The following CDH4 variants were observed in gnomAD, a reference collection of about 807,000 sequenced individuals.
CDH4 encodes the protein cadherin-4.
Under a neutral mutation model 86.0 loss-of-function variants are expected in CDH4, and 33 were observed. That is an observed-to-expected ratio of 0.38 (90% CI 0.29 to 0.51). CDH4 has a LOEUF of 0.51. Among genes scored for constraint, CDH4 ranks in the 20% least tolerant of loss-of-function variants. The pLI is 0.86. For missense variants in CDH4, 1,114 were observed against 1,307.4 expected (o/e 0.85, Z 2.28); for synonymous variants, 555 against 549.4 (o/e 1.01, Z -0.14).
Position 61,393,932 on chromosome 20 carries a change from A to G in CDH4, c.169+138995A>G, listed in dbSNP as rs2085000990. The stretch of plus-strand genomic sequence containing the variant: ...TAATGTTACCATTAACATCATCATA[A>G]TGACTGCCCCATATTCTATTATACC... On this transcript the variant is annotated intron_variant, in intron 2 of 15. Transcript: ENST00000614565. The surrounding 1 kb of genome is among the most constrained non-coding windows in gnomAD (Gnocchi z 4.3). Among the ~76,000 whole-genome samples, 1 of 152,080 alleles carries G rather than the reference A, an allele frequency of 6.6e-6. No individual in the cohort carries two copies. Among genetic ancestry groups the G allele is most frequent in the Non-Finnish European group, 1.5e-5 (1 of 68,018 alleles).
rs1335397867 is a variant in CDH4, at chr20:61,703,427, G to A, written c.170-40136G>A. ...GGCAGCAGGGGCATTTCATAAGGAG[G>A]GGACAGTGTGGCTGGGATATGGGCG... On this transcript the variant is annotated intron_variant, in intron 2 of 15. Coordinates refer to ENST00000614565, the MANE Select transcript of CDH4 (RefSeq NM_001794.5). The surrounding 1 kb of genome is among the most constrained non-coding windows in gnomAD (Gnocchi z 4.3). 6.6e-6 allele frequency among the ~76,000 whole-genome samples: 1 copy of A among 152,186 alleles called. No individual in the cohort carries two copies. Among genetic ancestry groups the A allele is most frequent in the East Asian group, 1.9e-4 (1 of 5,200 alleles).
At chr20:61,809,415 G>A (rs138053106) in intron 4 of CDH4, among the ~76,000 whole-genome samples, 81 of 152,302 alleles carry the variant, frequency 5.3e-4, no homozygotes, top group African/African-American at 1.7e-3. Flanking sequence ...TGTTATCTGC[G>A]TGGATTACAT....
At chr20:61,437,333 A>T (rs1214307840) in intron 2 of CDH4, 1 of 152,208 alleles carries the variant, frequency 6.6e-6, no homozygotes, top group Non-Finnish European at 1.5e-5. Context: ...CTCTGGCAAG[A>T]TCCCTGTTTT....
chr20:61,341,665 C>T (rs2084649951), intron 2 of CDH4, among the ~76,000 whole-genome samples: 1 of 151,958 alleles, frequency 6.6e-6, no homozygotes, highest in African/African-American at 2.4e-5. Flanking sequence ...AGATGATAAA[C>T]ACCTTTGTTG....
intron 4 of CDH4, among the ~76,000 whole-genome samples, chr20:61,823,500 T>C (rs777816919): frequency 4.6e-5 from 7 of 152,074 alleles, no homozygotes; most frequent in Non-Finnish European, 1.0e-4. Context: ...ATTACAAACA[T>C]CTTTGTTTTA....
intron 4 of CDH4, among the ~76,000 whole-genome samples, chr20:61,794,056 T>C (rs58382010): frequency 0.67 from 98,536 of 146,094 alleles, 33,541 homozygotes; most frequent in African/African-American, 0.79. Context: ...GGCAGGAGAA[T>C]GGCGTGAACC....
chr20:61,370,048 T>G (rs970388779), intron 2 of CDH4: 1 of 152,406 alleles, frequency 6.6e-6, no homozygotes. Flanking sequence ...TTCTGAGCCA[T>G]GCAGGGCCCC....
At chr20:61,331,652 C>T (rs1568801196) in intron 2 of CDH4, among the ~76,000 whole-genome samples, 732 of 112,142 alleles carry the variant, frequency 6.5e-3, no homozygotes, top group East Asian at 0.017. Context: ...CCTCCCGCCC[C>T]AGCCACCTGC....
intron 2 of CDH4, among the ~76,000 whole-genome samples, chr20:61,317,820 C>T (rs2084485284): frequency 6.6e-6 from 1 of 152,170 alleles, no homozygotes; most frequent in Non-Finnish European, 1.5e-5. Context: ...TGTGGGTGTC[C>T]AGCCAGCCAG....
At chr20:61,655,236 G>A (rs868582635) in intron 2 of CDH4, among the ~76,000 whole-genome samples, 9 of 152,238 alleles carry the variant, frequency 5.9e-5, no homozygotes, top group Middle Eastern at 3.4e-3. Context: ...AATCACCAAG[G>A]GTCCTTCTCA....
At chr20:61,487,124 G>T (rs981614917) in intron 2 of CDH4, among the ~76,000 whole-genome samples, 6 of 152,192 alleles carry the variant, frequency 3.9e-5, no homozygotes, top group Admixed American at 2.0e-4. Context: ...TTTGGGAAGG[G>T]TGTAAGGTCT....
intron 2 of CDH4, among the ~76,000 whole-genome samples, chr20:61,335,228 G>C (rs776471468): frequency 6.6e-6 from 1 of 152,208 alleles, no homozygotes; most frequent in African/African-American, 2.4e-5. Flanking sequence ...GCCAGCAGTC[G>C]TCCCTGTGTT....
chr20:61,316,864 G>T (rs995952742), intron 2 of CDH4, among the ~76,000 whole-genome samples: 1 of 152,152 alleles, frequency 6.6e-6, no homozygotes, highest in Non-Finnish European at 1.5e-5. Flanking sequence ...AGTCACAGCC[G>T]AGAAGCAGGG....
intron 7 of CDH4, among the ~76,000 whole-genome samples, chr20:61,876,868 G>A (rs1302783296): frequency 2.6e-5 from 4 of 152,170 alleles, no homozygotes. Context: ...GTACTTTGTA[G>A]TTTATATTGT....
At chr20:61,366,719 C>T (rs1377499815) in intron 2 of CDH4, among the ~76,000 whole-genome samples, 1 of 152,224 alleles carries the variant, frequency 6.6e-6, no homozygotes, top group Non-Finnish European at 1.5e-5. Context: ...TGGTTTTCCG[C>T]CCTGGGTGGG....
intron 2 of CDH4, among the ~76,000 whole-genome samples, chr20:61,476,077 G>T (rs537581482): frequency 6.6e-6 from 1 of 152,198 alleles, no homozygotes; most frequent in Non-Finnish European, 1.5e-5. Context: ...GGTGACATAA[G>T]CCACGAGCTT....
At chr20:61,771,021 T>A (rs552783004) in intron 3 of CDH4, among the ~76,000 whole-genome samples, 1 of 150,228 alleles carries the variant, frequency 6.7e-6, no homozygotes, top group African/African-American at 2.4e-5. Flanking sequence ...TTTTTTTTTT[T>A]TTTTTTGAGA....
At chr20:61,768,340 GCATT>G (rs767904982) in intron 3 of CDH4, among the ~76,000 whole-genome samples, 4 of 152,156 alleles carry the variant, frequency 2.6e-5, no homozygotes, top group Non-Finnish European at 5.9e-5. Context: ...TTTGACGTGT[GCATT>G]CATATATATC....
At chr20:61,702,643 T>C (rs975555180) in intron 2 of CDH4, among the ~76,000 whole-genome samples, 1 of 152,224 alleles carries the variant, frequency 6.6e-6, no homozygotes, top group Admixed American at 6.5e-5. Flanking sequence ...CACTTTTTAA[T>C]TTATCTGTGT....
Sources: allele counts gnomAD v4.1 joint callset (sites outside exome capture counted in the v4.1 genomes callset), GRCh38; gene constraint gnomAD v4.1.1; non-coding constraint Gnocchi (gnomAD v3.1); transcripts MANE v1.5; gene names NCBI Gene and HGNC (gene_info 2026-07-23, HGNC 2026-07-21).